Variants in OPCML observed in about 807,000 individuals in gnomAD.
The protein encoded by OPCML is opioid-binding protein/cell adhesion molecule.
In OPCML, 13 loss-of-function variants were observed where a neutral mutation model predicts 37.8. The observed-to-expected ratio is 0.34, with a 90% CI of 0.22 to 0.55. The LOEUF is 0.55. Among genes scored for constraint, OPCML ranks in the 20% least tolerant of loss-of-function variants. OPCML has a pLI of 0.91. For missense variants in OPCML, 341 were observed against 435.6 expected (o/e 0.78, Z 1.93); for synonymous variants, 176 against 168.8 (o/e 1.04, Z -0.33).
intron 3 of OPCML, among the ~76,000 whole-genome samples, chr11:132,577,204 G>T (rs543663905): frequency 2.0e-5 from 3 of 152,174 alleles, no homozygotes; most frequent in African/African-American, 2.4e-5. Context: ...TTGCTGAATT[G>T]GTGAGTTTGT....
At chr11:132,622,146 A>T (rs1045434589) in intron 3 of OPCML, among the ~76,000 whole-genome samples, 1 of 141,202 alleles carries the variant, frequency 7.1e-6, no homozygotes, top group Admixed American at 7.1e-5. Context: ...TGAGAATAAT[A>T]AAAAAAAAAA....
chr11:132,895,140 G>T (rs1028293390), intron 2 of OPCML, among the ~76,000 whole-genome samples: 1 of 152,132 alleles, frequency 6.6e-6, no homozygotes, highest in African/African-American at 2.4e-5. Context: ...ACTTCTAACA[G>T]CACAGAGAGC....
chr11:133,509,336 C>T (rs1041552985), intron 1 of OPCML, among the ~76,000 whole-genome samples: 1 of 152,170 alleles, frequency 6.6e-6, no homozygotes, highest in African/African-American at 2.4e-5. Flanking sequence ...TTTTCTGTTC[C>T]AGTGTTAGTT....
At chr11:133,364,263 C>G in intron 1 of OPCML, among the ~76,000 whole-genome samples, 1 of 152,182 alleles carries the variant, frequency 6.6e-6, no homozygotes, top group African/African-American at 2.4e-5. Flanking sequence ...ATACTACCAG[C>G]TATTGCAGAA....
intron 1 of OPCML, among the ~76,000 whole-genome samples, chr11:133,407,228 G>A (rs1486529656): frequency 6.6e-6 from 1 of 152,172 alleles, no homozygotes; most frequent in African/African-American, 2.4e-5. Flanking sequence ...GGAATCAACA[G>A]CTAGAATTAG....
intron 2 of OPCML, among the ~76,000 whole-genome samples, chr11:132,789,416 A>T (rs1345249273): frequency 6.6e-6 from 1 of 152,234 alleles, no homozygotes; most frequent in Non-Finnish European, 1.5e-5. Flanking sequence ...AAGATAGGAA[A>T]GGTGATAGAT....
intron 2 of OPCML, among the ~76,000 whole-genome samples, chr11:132,899,962 G>A (rs1943991404): frequency 6.6e-6 from 1 of 152,128 alleles, no homozygotes; most frequent in Admixed American, 6.5e-5. Context: ...AACTTGGACT[G>A]AGCAACACTA....
chr11:133,122,027 T>C (rs994925305), intron 1 of OPCML, among the ~76,000 whole-genome samples: 3 of 152,346 alleles, frequency 2.0e-5, no homozygotes, highest in Admixed American at 1.3e-4. Flanking sequence ...CAAATGCTTA[T>C]TGAAAACCCA....
At position 132,459,410 on chromosome 11, in the gene OPCML, C is replaced by CACAT. The variant is rs71477764; in HGVS notation, c.506-22055_506-22052dup. 6.4e-3 allele frequency among the ~76,000 whole-genome samples: 930 copies of CACAT among 144,370 alleles called. 7 individuals carry two copies. Among genetic ancestry groups the CACAT allele is most frequent in the Non-Finnish European group, 7.4e-3 (496 of 66,788 alleles). The allele number at this position is 144,370 out of a possible 152,430, so 94.7% of individuals were successfully genotyped here. On this transcript the variant is annotated intron_variant, in intron 4 of 7. Transcript: ENST00000524381. ...CTTTCTCTCTCTCTCTCTCTCTTCA[C>CACAT]ACATACATACATACATACATACATA...
At chr11:133,307,653 A>G (rs542239294) in intron 1 of OPCML, among the ~76,000 whole-genome samples, 35 of 152,310 alleles carry the variant, frequency 2.3e-4, no homozygotes, top group African/African-American at 8.2e-4. Context: ...GGCAAGAGCA[A>G]CAGCAGCAAC....
In OPCML at chr11:132,556,906, C is replaced by G. The variant is rs1044108530; in HGVS notation, c.380-27720G>C. 3.9e-5 allele frequency among the ~76,000 whole-genome samples: 6 copies of G among 152,246 alleles called. No homozygotes were observed. The Middle Eastern group carries it at 0.01, about 259-fold the overall frequency. On this transcript the variant is annotated intron_variant, in intron 3 of 7. Coordinates refer to ENST00000524381, the MANE Select transcript of OPCML (RefSeq NM_001012393.5). ...AACTCCACTTTGTCTTCCAAAGTAC[C>G]CTGAACCTGGAATTTTATCATTTTG...
At chr11:133,031,223 A>T (rs1353328814) in intron 1 of OPCML, among the ~76,000 whole-genome samples, 1 of 151,954 alleles carries the variant, frequency 6.6e-6, no homozygotes, top group African/African-American at 2.4e-5. Context: ...GGACAGATGG[A>T]TGCATTGATG....
chr11:132,631,352 C>CATATATATATATATAT (rs61450463), intron 3 of OPCML, among the ~76,000 whole-genome samples: 78 of 142,720 alleles, frequency 5.5e-4, no homozygotes, highest in African/African-American at 1.2e-3. Flanking sequence ...ACCATATATA[C>CATATATATATATATAT]ATATATATAT....
chr11:133,490,202 G>T (rs1428928015), intron 1 of OPCML, among the ~76,000 whole-genome samples: 1 of 152,110 alleles, frequency 6.6e-6, no homozygotes, highest in African/African-American at 2.4e-5. Flanking sequence ...AAAGTTCTGA[G>T]GGTGAGAATA....
chr11:132,529,244 G>T, intron 3 of OPCML, 58 bp from the exon 4 acceptor site: 1 of 1,523,934 alleles, frequency 6.6e-7, no homozygotes, highest in Non-Finnish European at 8.8e-7. Context: ...CTTAAAAGGA[G>T]GTGTTAGCCT....
In OPCML at chr11:132,827,837, G is replaced by A. The variant is rs150441622; in HGVS notation, c.146+115089C>T. On this transcript the variant is annotated intron_variant, in intron 2 of 7. Coordinates refer to ENST00000524381, the MANE Select transcript of OPCML (RefSeq NM_001012393.5). Reference sequence around the variant, plus strand: ...TTTTTTGTATTTTTAGTAGAGACGGGGTTTCACCATGTTTTGATCTCCTGA... The same window carrying A: ...TTTTTTGTATTTTTAGTAGAGACGGAGTTTCACCATGTTTTGATCTCCTGA... Among the ~76,000 whole-genome samples, 19 of 151,378 alleles carry A rather than the reference G, an allele frequency of 1.3e-4. No individual in the cohort carries two copies. The East Asian group carries it at 3.7e-3, about 29-fold the overall frequency.
intron 1 of OPCML, among the ~76,000 whole-genome samples, chr11:133,342,380 T>C (rs1943891295): frequency 6.6e-6 from 1 of 152,288 alleles, no homozygotes; most frequent in East Asian, 1.9e-4. Context: ...ACGCAACAAC[T>C]TGATAGAGTG....
chr11:133,434,834 A>G (rs1329705503), intron 1 of OPCML, among the ~76,000 whole-genome samples: 1 of 147,242 alleles, frequency 6.8e-6, no homozygotes, highest in Admixed American at 6.8e-5. Flanking sequence ...ACACACACAT[A>G]TATATATTTA....
rs889584643 is a variant in OPCML at position 133,004,850 on chromosome 11, C to A, written c.62-61840G>T. 1.1e-5 allele frequency: 11 copies of A among 985,296 alleles called. No homozygotes were observed. In the African/African-American group the frequency reaches 1.9e-4, roughly 17 times the overall value. 61.0% of individuals were successfully genotyped at this position (985,296 alleles called of 1,614,324 possible). On this transcript the variant is annotated intron_variant, in intron 1 of 7. Coordinates refer to ENST00000524381, the MANE Select transcript of OPCML (RefSeq NM_001012393.5). ...TACGGGAGTCAGTTCAAACACCATC[C>A]CCAAGACAGAAATCAACGAGCTGTG...
Sources: allele counts gnomAD v4.1 joint callset (sites outside exome capture counted in the v4.1 genomes callset), GRCh38; gene constraint gnomAD v4.1.1; transcripts MANE v1.5; gene names NCBI Gene and HGNC (gene_info 2026-07-23, HGNC 2026-07-21).